Variants in RANBP2 observed in about 807,000 individuals in gnomAD.
RANBP2 encodes the protein E3 SUMO-protein ligase RanBP2.
In RANBP2, 57 loss-of-function variants were observed where a neutral mutation model predicts 303.6. That is an observed-to-expected ratio of 0.19 (90% CI 0.15 to 0.23). The LOEUF (loss-of-function observed/expected upper bound fraction) is 0.23, where lower values mean the gene tolerates loss of function less well. RANBP2 is among the 10% of genes least tolerant of loss of function. The pLI, the probability that RANBP2 is intolerant of heterozygous loss-of-function variation, is 1.00. For missense variants in RANBP2, 3,138 were observed against 3,780.8 expected, an observed-to-expected ratio of 0.83 and a Z score of 4.46; for synonymous variants, 1,167 against 1,301.5, an observed-to-expected ratio of 0.90 and a Z score of 2.23.
At chr2:109,346,301 G>A in the RANBP2 span, among the ~76,000 whole-genome samples, 4 of 152,138 alleles carry the variant, frequency 2.6e-5, no homozygotes, top group East Asian at 3.9e-4. Flanking sequence ...GTCGTTTGAC[G>A]TTGCTGAAAC....
At chr2:109,480,878 G>C in the RANBP2 span, among the ~76,000 whole-genome samples, 2 of 152,138 alleles carry the variant, frequency 1.3e-5, no homozygotes, top group Admixed American at 6.5e-5. Flanking sequence ...ATCTGTGGAT[G>C]GTTTGATTTG....
the RANBP2 span, among the ~76,000 whole-genome samples, chr2:109,073,465 G>A: frequency 2.0e-3 from 306 of 151,926 alleles, 1 homozygote; most frequent in African/African-American, 6.5e-3. Context: ...TCAGGAGATC[G>A]AGACCATCCT....
intron 23 of RANBP2, among the ~76,000 whole-genome samples, chr2:108,775,052 A>G (rs1029280928): frequency 2.0e-5 from 3 of 152,164 alleles, no homozygotes; most frequent in African/African-American, 7.2e-5. Flanking sequence ...TATTTCTAGT[A>G]TAAGTATTTA....
the RANBP2 span, chr2:109,449,165 T>G: frequency 6.2e-7 from 1 of 1,612,736 alleles, no homozygotes. Flanking sequence ...CAACCCCGTC[T>G]CCAGCTGCCC....
chr2:109,709,942 C>T, the RANBP2 span, among the ~76,000 whole-genome samples: 1 of 151,750 alleles, frequency 6.6e-6, no homozygotes, highest in African/African-American at 2.4e-5. Context: ...ACAAAATTAG[C>T]CAGGGGTGGT....
chr2:108,970,226 C>T, the RANBP2 span, among the ~76,000 whole-genome samples: 2 of 152,292 alleles, frequency 1.3e-5, no homozygotes, highest in East Asian at 3.9e-4. Context: ...TCAGAATCTA[C>T]ATTTTTAGCA....
At chr2:109,593,178 TA>T in the RANBP2 span, 1 of 1,096,748 alleles carries the variant, frequency 9.1e-7, no homozygotes, top group Non-Finnish European at 1.3e-6. Flanking sequence ...CAAACCCCAT[TA>T]TCTGAATAAT....
chr2:109,616,156 G>A, the RANBP2 span: 3 of 1,403,226 alleles, frequency 2.1e-6, no homozygotes, highest in East Asian at 2.7e-5. Flanking sequence ...AGAAGGACAA[G>A]CTAAATTATG....
At chr2:108,782,030 TCA>T in intron 26 of RANBP2, 96 bp from the exon 27 acceptor site, 1 of 1,387,362 alleles carries the variant, frequency 7.2e-7, no homozygotes, top group Non-Finnish European at 9.9e-7. Flanking sequence ...CTCTTTGTCA[TCA>T]CAAAGAAAAT....
the RANBP2 span, among the ~76,000 whole-genome samples, chr2:109,588,105 C>A: frequency 6.6e-6 from 1 of 151,302 alleles, no homozygotes; most frequent in Non-Finnish European, 1.5e-5. Flanking sequence ...AAAATGCCCC[C>A]CGCCAAAAAA....
chr2:109,596,265 A>G, the RANBP2 span, among the ~76,000 whole-genome samples: 1 of 152,194 alleles, frequency 6.6e-6, no homozygotes, highest in Non-Finnish European at 1.5e-5. Flanking sequence ...ATAGCATATC[A>G]TGAGTTTTGG....
chr2:109,690,058 G>A, the RANBP2 span, among the ~76,000 whole-genome samples: 1 of 152,134 alleles, frequency 6.6e-6, no homozygotes, highest in Non-Finnish European at 1.5e-5. Flanking sequence ...GTCCAGTGAG[G>A]GAAACAGCTA....
the RANBP2 span, among the ~76,000 whole-genome samples, chr2:108,953,425 C>A: frequency 6.6e-6 from 1 of 152,114 alleles, no homozygotes; most frequent in African/African-American, 2.4e-5. Flanking sequence ...GCCTCTTCAT[C>A]TCATTAAGAC....
In RANBP2 at chr2:108,729,036, TTTGAA is replaced by T. The variant is rs1180260947; in HGVS notation, c.73-95_73-91del. 3.6e-6 allele frequency: 5 copies of T among 1,396,136 alleles called. No individual in the cohort carries two copies. In the Admixed American group the frequency reaches 1.1e-4, roughly 32 times the overall value. The allele number at this position is 1,396,136 out of a possible 1,614,324, so 86.5% of individuals were successfully genotyped here. On this transcript the variant is annotated intron_variant, in intron 1 of 28. Coordinates refer to ENST00000283195, the MANE Select transcript of RANBP2 (RefSeq NM_006267.5). ...CTTTTAAGTGAATGAAAGTGGCGTA[TTTGAA>T]CATCAACTTAGGACAGATTTTTACT...
At chr2:108,899,949 G>C in the RANBP2 span, among the ~76,000 whole-genome samples, 1 of 152,100 alleles carries the variant, frequency 6.6e-6, no homozygotes. Context: ...TCGTGTCACT[G>C]CTCTCCAACC....
chr2:109,152,511 C>T, the RANBP2 span, among the ~76,000 whole-genome samples: 4 of 152,366 alleles, frequency 2.6e-5, no homozygotes, highest in African/African-American at 4.8e-5. Context: ...AGCGAAAGCT[C>T]ATTTACTGGA....
chr2:108,824,170 AT>A, the RANBP2 span, among the ~76,000 whole-genome samples: 121,004 of 151,780 alleles, frequency 0.8, 48,547 homozygotes, highest in East Asian at 0.95. Context: ...AGAAAAAAAA[AT>A]TTTTTCTTCA....
the RANBP2 span, among the ~76,000 whole-genome samples, chr2:108,977,439 T>C: frequency 6.6e-6 from 1 of 152,116 alleles, no homozygotes; most frequent in Non-Finnish European, 1.5e-5. Flanking sequence ...TGGCTAATTT[T>C]TTTTGTATTT....
the RANBP2 span, among the ~76,000 whole-genome samples, chr2:109,384,954 C>T: frequency 6.6e-6 from 1 of 152,336 alleles, no homozygotes; most frequent in Non-Finnish European, 1.5e-5. Context: ...CAGTGGGGCC[C>T]ATTGCTCTTA....
Sources: gnomAD v4.1 joint callset for allele counts (sites outside exome capture counted in the v4.1 genomes callset) on GRCh38, gnomAD v4.1.1 for gene constraint, MANE v1.5 for transcripts, NCBI Gene and HGNC (gene_info 2026-07-23, HGNC 2026-07-21) for gene names.